Variants in MYL4 observed in about 807,000 individuals in gnomAD.
MYL4 encodes the protein myosin light chain 4.
A neutral mutation model predicts 21.6 loss-of-function variants in MYL4; 16 were observed. That is an observed-to-expected ratio of 0.74 (90% CI 0.50 to 1.12). The LOEUF (loss-of-function observed/expected upper bound fraction) is 1.12. MYL4 is among the 50% of genes most tolerant of loss of function. The pLI, the probability that MYL4 is intolerant of heterozygous loss-of-function variation, is 0.00. For synonymous variants in MYL4, 82 were observed against 95.7 expected, an observed-to-expected ratio of 0.86 and a Z score of 0.83; for missense variants, 249 against 252.9, an observed-to-expected ratio of 0.98 and a Z score of 0.11.
At chr17:47,195,304 A>G in the MYL4 span, among the ~76,000 whole-genome samples, 1 of 149,398 alleles carries the variant, frequency 6.7e-6, no homozygotes, top group Admixed American at 6.7e-5. Context: ...ATCTTGGCTC[A>G]CCGCAACCTC....
chr17:47,223,101 G>A (rs2149049625), intron 6 of MYL4, 44 bp downstream of exon 6: 4 of 1,602,294 alleles, frequency 2.5e-6, no homozygotes, highest in Non-Finnish European at 2.6e-6. Context: ...GGGTCACATA[G>A]GGCCTTAAGA....
chr17:47,227,301 C>T (rs2064889196), downstream of MYL4, among the ~76,000 whole-genome samples: 1 of 152,168 alleles, frequency 6.6e-6, no homozygotes, highest in South Asian at 2.1e-4. Context: ...TTTGCCCGGC[C>T]CATAACTAAG....
At chr17:47,196,197 A>G (rs2064688440), upstream of MYL4, among the ~76,000 whole-genome samples, 1 of 152,196 alleles carries the variant, frequency 6.6e-6, no homozygotes, top group Non-Finnish European at 1.5e-5. Context: ...GTGTCCTTAT[A>G]AAAAGATGCA....
intron 2 of MYL4, 117 bp from the exon 3 acceptor site, chr17:47,219,787 A>T: frequency 7.8e-7 from 1 of 1,286,604 alleles, no homozygotes; most frequent in Non-Finnish European, 1.1e-6. Flanking sequence ...AAAGCGAAAT[A>T]TTGGGATATT....
At chr17:47,189,736 G>T in the MYL4 span, among the ~76,000 whole-genome samples, 14 of 152,240 alleles carry the variant, frequency 9.2e-5, no homozygotes, top group African/African-American at 3.1e-4. Context: ...TGTCTATTGA[G>T]TTTAGATCAT....
chr17:47,225,668 A>G (rs2064882372), downstream of MYL4, among the ~76,000 whole-genome samples: 4 of 152,060 alleles, frequency 2.6e-5, no homozygotes, highest in Admixed American at 2.6e-4. Flanking sequence ...TTTTCAACAC[A>G]CCATTTTCAA....
intron 1 of MYL4, among the ~76,000 whole-genome samples, chr17:47,210,522 A>G (rs1006607449): frequency 6.6e-6 from 1 of 152,090 alleles, no homozygotes; most frequent in African/African-American, 2.4e-5. Context: ...CTGAGCCCCC[A>G]GGGATCTCAG....
the MYL4 span, among the ~76,000 whole-genome samples, chr17:47,195,367 T>C: frequency 2.2e-4 from 33 of 152,032 alleles, no homozygotes; most frequent in African/African-American, 7.7e-4. Flanking sequence ...GTAGCTGGGA[T>C]TACAGGCATA....
chr17:47,196,273 G>T (rs1886587751), upstream of MYL4, among the ~76,000 whole-genome samples: 1 of 152,174 alleles, frequency 6.6e-6, no homozygotes, highest in African/African-American at 2.4e-5. Flanking sequence ...CAGGGAAAAG[G>T]CCAACATCTA....
At position 47,214,451 on chromosome 17, in the gene MYL4, C is replaced by T. The variant is rs374771645; in HGVS notation, c.163+625C>T. 4.6e-5 allele frequency among the ~76,000 whole-genome samples: 7 copies of T among 152,198 alleles called. No individual in the cohort carries two copies. The East Asian group carries it at 9.7e-4, about 21-fold the overall frequency. On this transcript the variant is annotated intron_variant, in intron 2 of 6. Coordinates refer to ENST00000393450, the MANE Select transcript of MYL4 (RefSeq NM_002476.2). ...AAAGCAGGACTCAATGTCATTGCAG[C>T]GTATCCCTCTGTTTCCTCCACCAAA...
chr17:47,222,754 G>T (rs939505951), intron 5 of MYL4, among the ~76,000 whole-genome samples: 2 of 152,248 alleles, frequency 1.3e-5, no homozygotes, highest in South Asian at 4.1e-4. Flanking sequence ...CTTTCTCAAG[G>T]CTGTGGGGAT....
chr17:47,213,722 G>T, intron 1 of MYL4, 77 bp from the exon 2 acceptor site: 1 of 1,450,114 alleles, frequency 6.9e-7, no homozygotes, highest in Non-Finnish European at 9.5e-7. Flanking sequence ...AGCCACTTCT[G>T]CTTCTACTTC....
chr17:47,193,329 G>A, the MYL4 span, among the ~76,000 whole-genome samples: 1 of 152,034 alleles, frequency 6.6e-6, no homozygotes, highest in African/African-American at 2.4e-5. Flanking sequence ...GTGCAATGGC[G>A]CTATCTCGGC....
the MYL4 span, among the ~76,000 whole-genome samples, chr17:47,193,206 T>G: frequency 7.7e-6 from 1 of 130,128 alleles, no homozygotes. Flanking sequence ...TTTGGTCAAA[T>G]CATCCTCTTC....
chr17:47,220,131 C>T, intron 3 of MYL4, 78 bp downstream of exon 3: 1 of 1,467,826 alleles, frequency 6.8e-7, no homozygotes, highest in Non-Finnish European at 9.0e-7. Context: ...CAGATCTTCT[C>T]TGCCATCTGC....
chr17:47,206,608 G>A (rs767662043), upstream of MYL4, among the ~76,000 whole-genome samples: 4 of 152,136 alleles, frequency 2.6e-5, no homozygotes, highest in African/African-American at 4.8e-5. Context: ...GGTGGTGGAA[G>A]GAGCTCCAAG....
intron 2 of MYL4, among the ~76,000 whole-genome samples, chr17:47,219,117 T>C (rs1398438228): frequency 6.6e-6 from 1 of 152,248 alleles, no homozygotes; most frequent in Admixed American, 6.5e-5. Context: ...CAAGGCTGTA[T>C]GCGAGTCCAT....
upstream of MYL4, among the ~76,000 whole-genome samples, chr17:47,197,985 T>C (rs1014859545): frequency 6.6e-6 from 1 of 152,170 alleles, no homozygotes; most frequent in African/African-American, 2.4e-5. Context: ...ACTTTAGTTT[T>C]GATAAAATAG....
chr17:47,190,061 T>C, the MYL4 span, among the ~76,000 whole-genome samples: 1 of 152,036 alleles, frequency 6.6e-6, no homozygotes, highest in South Asian at 2.1e-4. Context: ...AAAAATGGGA[T>C]CAGTCTGCTA....
Sources: gnomAD v4.1 joint callset for allele counts (sites outside exome capture counted in the v4.1 genomes callset) on GRCh38, gnomAD v4.1.1 for gene constraint, MANE v1.5 for transcripts, NCBI Gene and HGNC (gene_info 2026-07-23, HGNC 2026-07-21) for gene names.